Variants in GMCL2 observed in about 807,000 individuals in gnomAD.
GMCL2 encodes germ cell-less 2, spermatogenesis associated.
Under a neutral mutation model 36.2 loss-of-function variants are expected in GMCL2, and 33 were observed. The observed-to-expected ratio is 0.91, with a 90% CI of 0.69 to 1.22. GMCL2 has a LOEUF of 1.22. GMCL2 is among the 50% of genes most tolerant of loss of function. The pLI, the probability that GMCL2 is intolerant of heterozygous loss-of-function variation, is 0.00. For synonymous variants in GMCL2, 172 were observed against 184.3 expected, an observed-to-expected ratio of 0.93 and a Z score of 0.54; for missense variants, 478 against 514.5, an observed-to-expected ratio of 0.93 and a Z score of 0.69.
chr5:178,186,857 A>G lies in GMCL2; in HGVS notation c.443T>C (p.Ile148Thr), dbSNP rs750493249. The part of the protein sequence containing the change: ...GSWKESSMNI[I>T]ELEIPDQNID... ...GTTCTGGTCAGGAATCTCCAGTTCAATAATATTCATGCTGGATTCTTTCCA... is the reference window on the plus strand; with the variant it reads ...GTTCTGGTCAGGAATCTCCAGTTCAGTAATATTCATGCTGGATTCTTTCCA... The change falls in exon 1 of 1, where the codon ATT becomes ACT. Residue 148 changes from isoleucine to threonine, a missense_variant. This residue lies in a region of GMCL2 where 175 missense variants were observed against 208.0 expected (regional missense o/e 0.84). Transcript: ENST00000463439. 3.7e-6 allele frequency: 6 copies of G among 1,611,236 alleles called. No individual in the cohort carries two copies. The highest frequency in any genetic ancestry group is 5.1e-6 in the Non-Finnish European group (6 of 1,177,306).
rs1756668819 is a variant in GMCL2, at chr5:178,184,635, T to C, written c.*1084A>G. 6.6e-6 allele frequency among the ~76,000 whole-genome samples: 1 copy of C among 152,220 alleles called. No homozygotes were observed. The highest frequency in any genetic ancestry group is 2.4e-5 in the African/African-American group (1 of 41,462). ...TGGAAAGAAAATGAACATGGCTCTA[T>C]TCAAAACAGCAGTAAACACAAAAGG... On this transcript the variant is annotated 3_prime_UTR_variant, in exon 1 of 1. Coordinates refer to ENST00000463439, the MANE Select transcript of GMCL2 (RefSeq NM_001358008.2).
chr5:178,186,546 G>C lies in GMCL2; in HGVS notation c.754C>G (p.Leu252Val). 1 of 1,301,802 alleles carries C rather than the reference G, an allele frequency of 7.7e-7. No homozygotes were observed. Among genetic ancestry groups the C allele is most frequent in the Non-Finnish European group, 1.1e-6 (1 of 894,866 alleles). The allele number at this position is 1,301,802 out of a possible 1,614,324, so 80.6% of individuals were successfully genotyped here. ...AGCTGTTTCATGACATTTATACCGA[G>C]TTCTTTAAAAAGTTTAACATTCTGG... ...THQNVKLFKELGINVMKQLIG... is the reference protein window; with the variant it reads ...THQNVKLFKEVGINVMKQLIG... Residue 252 changes from leucine (L) to valine (V), a missense_variant, in exon 1 of 1, where the codon CTC becomes GTC. Physicochemically the swap from Leu to Val is conservative, Grantham distance 32. Around this residue, in one of 5 missense-constraint regions of GMCL2, gnomAD observed 175 missense variants for 208.0 expected, o/e 0.84. Transcript: ENST00000463439.
rs779305898 is a variant in GMCL2 at position 178,187,238 on chromosome 5, T to C, written c.62A>G (p.Gln21Arg). The stretch of plus-strand genomic sequence containing the variant: ...GGCCGAGCCCCTGGCCCTGGCACCC[T>C]GTTCCTGCTGGGCAAGGGCTCGCCT... ...QPRRALAQQE[Q>R]GARARGSARR... Residue 21 changes from glutamine (Q) to arginine (R), a missense_variant, in exon 1 of 1, where the codon CAG becomes CGG. Physicochemically the swap from Gln to Arg is conservative, Grantham distance 43. Transcript: ENST00000463439. 2 of 1,059,300 alleles carry C rather than the reference T, an allele frequency of 1.9e-6. No individual in the cohort carries two copies. The highest frequency in any genetic ancestry group is 2.8e-6 in the Non-Finnish European group (2 of 703,404). The allele number at this position is 1,059,300 out of a possible 1,614,324, so 65.6% of individuals were successfully genotyped here.
chr5:178,187,355 GC>G lies in GMCL2; in HGVS notation c.-57del, dbSNP rs1183074954. ...CCAGAGGAGGGGGTCTCTGGCCATGGCCCGGCCGCCGCCGCCAGCCTTCCCC... is the reference window on the plus strand; with the variant it reads ...CCAGAGGAGGGGGTCTCTGGCCATGGCCGGCCGCCGCCGCCAGCCTTCCCC... On this transcript the variant is annotated 5_prime_UTR_variant, in exon 1 of 1. Coordinates refer to ENST00000463439, the MANE Select transcript of GMCL2 (RefSeq NM_001358008.2). The G allele has an allele frequency of 4.4e-6, 3 of 674,968 alleles. No homozygotes were observed. The highest frequency in any genetic ancestry group is 7.3e-6 in the Non-Finnish European group (3 of 409,222). 41.8% of individuals were successfully genotyped at this position (674,968 alleles called of 1,614,324 possible).
In GMCL2 at chr5:178,187,022, G is replaced by A; in HGVS notation, c.278C>T (p.Thr93Ile). ...TAATGTTTGATAAATATATTTGGAT[G>A]TACTCCTTAATTTTTTCCTTGCAGG... ...NTPARKKLRS[T>I]SKYIYQTLFL... is the part of the protein sequence containing the mutation. Residue 93 changes from threonine (T) to isoleucine (I), a missense_variant, in exon 1 of 1, where the codon ACA becomes ATA. By Grantham distance (89) the Thr-to-Ile change is moderately conservative. Around this residue, in one of 5 missense-constraint regions of GMCL2, gnomAD observed 36 missense variants for 78.1 expected, o/e 0.46. Coordinates refer to ENST00000463439, the MANE Select transcript of GMCL2 (RefSeq NM_001358008.2). 1 of 1,333,246 alleles carries A rather than the reference G, an allele frequency of 7.5e-7. No individual in the cohort carries two copies. Among genetic ancestry groups the A allele is most frequent in the South Asian group, 1.2e-5 (1 of 82,726 alleles). The allele number at this position is 1,333,246 out of a possible 1,614,324, so 82.6% of individuals were successfully genotyped here.
In GMCL2 at chr5:178,186,700, A is replaced by G; in HGVS notation, c.600T>C (p.Cys200=). 1.5e-6 allele frequency: 2 copies of G among 1,345,430 alleles called. No homozygotes were observed. The highest frequency in any genetic ancestry group is 2.1e-6 in the Non-Finnish European group (2 of 934,920). 83.3% of individuals were successfully genotyped at this position (1,345,430 alleles called of 1,614,324 possible). Residue 200 remains cysteine, a synonymous_variant, in exon 1 of 1, where the codon TGT becomes TGC. Coordinates refer to ENST00000463439, the MANE Select transcript of GMCL2 (RefSeq NM_001358008.2). ...MLQLDGLIQQ[C]GETMKETINV... is the part of the protein sequence containing the mutation. ...TAATTGTTTCCTTCATTGTCTCACC[A>G]CACTGCTGTATTAAACCATCCAGCT... is the stretch of plus-strand genomic sequence containing the variant.
the GMCL2 span, chr5:178,186,079 G>C: frequency 1.3e-6 from 1 of 783,262 alleles, no homozygotes; most frequent in Non-Finnish European, 2.4e-6. Context: ...AACACCAGTA[G>C]TATTCACCAT....
At position 178,187,346 on chromosome 5, in the gene GMCL2, C is replaced by T. The variant is rs1356636286; in HGVS notation, c.-47G>A. ...TCAGGGAGCCCAGAGGAGGGGGTCTCTGGCCATGGCCCGGCCGCCGCCGCC... is the reference window on the plus strand; with the variant it reads ...TCAGGGAGCCCAGAGGAGGGGGTCTTTGGCCATGGCCCGGCCGCCGCCGCC... On this transcript the variant is annotated 5_prime_UTR_variant, in exon 1 of 1. Coordinates refer to ENST00000463439, the MANE Select transcript of GMCL2 (RefSeq NM_001358008.2). The T allele has an allele frequency of 1.4e-6, 1 of 719,004 alleles. No individual in the cohort carries two copies. Among genetic ancestry groups the T allele is most frequent in the Admixed American group, 2.9e-5 (1 of 34,148 alleles). 44.5% of individuals were successfully genotyped at this position (719,004 alleles called of 1,614,324 possible).
chr5:178,185,965 A>C lies in GMCL2; in HGVS notation c.1335T>G (p.Ser445Arg). ...ATGCTATGCTCCTTCGAGGCCGTAA[A>C]CTGACAGACCCGCTGCGTGGCTGAT... ...TLNQPRSGSV[S>R]LRPRRSIAFR... The change falls in exon 1 of 1, where the codon AGT (serine) becomes AGG (arginine). Residue 445 changes from serine to arginine, a missense_variant. Ser to Arg is a moderately radical substitution (Grantham distance 110). Transcript: ENST00000463439. The C allele has an allele frequency of 1.3e-6, 1 of 768,054 alleles. No individual in the cohort carries two copies. The highest frequency in any genetic ancestry group is 2.4e-6 in the Non-Finnish European group (1 of 411,906). 47.6% of individuals were successfully genotyped at this position (768,054 alleles called of 1,614,324 possible). A position where few individuals can be genotyped will look rare whatever the true frequency, so the allele number is the denominator to read the frequency against.
rs751817051 is a variant in GMCL2, at chr5:178,185,744, C to T, written c.1556G>A (p.Arg519His). ...ISPEKGIENN[R>H]HPENPEN ...TCAGTTTTCTGGATTTTCTGGGTGA[C>T]GATTATTTTCAATTCCTTTTTCTGG... The change falls in exon 1 of 1, where the codon CGT (arginine) becomes CAT (histidine). Residue 519 changes from arginine to histidine, a missense_variant. Arg to His is a conservative substitution (Grantham distance 29). This residue lies in a region of GMCL2 where 135 missense variants were observed against 119.0 expected (regional missense o/e 1.13). Transcript: ENST00000463439. 2.6e-5 allele frequency: 22 copies of T among 849,792 alleles called. No homozygotes were observed. The highest frequency in any genetic ancestry group is 4.7e-4 in the Middle Eastern group (2 of 4,276). 52.6% of individuals were successfully genotyped at this position (849,792 alleles called of 1,614,324 possible).
Position 178,186,543 on chromosome 5 carries a change from C to T in GMCL2, c.757G>A (p.Gly253Ser), listed in dbSNP as rs2961663. The part of the protein sequence containing the change: ...HQNVKLFKEL[G>S]INVMKQLIGS... ...ATGAGCTGTTTCATGACATTTATACCGAGTTCTTTAAAAAGTTTAACATTC... is the reference window on the plus strand; with the variant it reads ...ATGAGCTGTTTCATGACATTTATACTGAGTTCTTTAAAAAGTTTAACATTC... The change falls in exon 1 of 1, where the codon GGT becomes AGT. Residue 253 changes from glycine to serine, a missense_variant. Physicochemically the swap from Gly to Ser is moderately conservative, Grantham distance 56. Coordinates refer to ENST00000463439, the MANE Select transcript of GMCL2 (RefSeq NM_001358008.2). The T allele has an allele frequency of 0.11, 141,856 of 1,300,708 alleles. 8,948 individuals carry two copies. Among genetic ancestry groups the T allele is most frequent in the African/African-American group, 0.24 (16,859 of 69,184 alleles). 80.6% of individuals were successfully genotyped at this position (1,300,708 alleles called of 1,614,324 possible).
rs540564492 is a variant in GMCL2 at position 178,184,765 on chromosome 5, T to C, written c.*954A>G. On this transcript the variant is annotated 3_prime_UTR_variant, in exon 1 of 1. Coordinates refer to ENST00000463439, the MANE Select transcript of GMCL2 (RefSeq NM_001358008.2). Reference sequence around the variant, plus strand: ...GCTTCTATGTTAGATCCTCTGACCTTATTTACATTTACTATGAAATTGCTG... The same window carrying C: ...GCTTCTATGTTAGATCCTCTGACCTCATTTACATTTACTATGAAATTGCTG... Among the ~76,000 whole-genome samples the C allele has an allele frequency of 6.4e-4, 97 of 152,342 alleles. No homozygotes were observed. Among genetic ancestry groups the C allele is most frequent in the African/African-American group, 2.3e-3 (95 of 41,578 alleles).
rs1274175875 is a variant in GMCL2, at chr5:178,185,232, A to G, written c.*487T>C. 1.3e-5 allele frequency among the ~76,000 whole-genome samples: 2 copies of G among 152,264 alleles called. No individual in the cohort carries two copies. Among genetic ancestry groups the G allele is most frequent in the Non-Finnish European group, 2.9e-5 (2 of 68,044 alleles). On this transcript the variant is annotated 3_prime_UTR_variant, in exon 1 of 1. Transcript: ENST00000463439. ...AGATATTAGACTAAAAGGAGGAATC[A>G]TAATGAGCAGGTAAAAATATTAAAG... is the stretch of plus-strand genomic sequence containing the variant.
Position 178,187,308 on chromosome 5 carries a change from G to A in GMCL2, c.-9C>T, listed in dbSNP as rs761620285. On this transcript the variant is annotated 5_prime_UTR_variant, in exon 1 of 1. Transcript: ENST00000463439. The stretch of plus-strand genomic sequence containing the variant: ...CTGCTCGACGATCCCATGGGTCACG[G>A]CTCCCCAGGACTTCAGGGAGCCCAG... 4.4e-5 allele frequency: 37 copies of A among 835,202 alleles called. No individual in the cohort carries two copies. Among genetic ancestry groups the A allele is most frequent in the Non-Finnish European group, 6.5e-5 (35 of 535,612 alleles). 51.7% of individuals were successfully genotyped at this position (835,202 alleles called of 1,614,324 possible). A position where few individuals can be genotyped will look rare whatever the true frequency, so the allele number is the denominator to read the frequency against.
chr5:178,186,159 C>A lies in GMCL2; in HGVS notation c.1141G>T (p.Gly381Trp), dbSNP rs1377503908. The A allele has an allele frequency of 1.2e-6, 1 of 826,482 alleles. No individual in the cohort carries two copies. Among genetic ancestry groups the A allele is most frequent in the Admixed American group, 1.7e-5 (1 of 58,876 alleles). 51.2% of individuals were successfully genotyped at this position (826,482 alleles called of 1,614,324 possible). Residue 381 changes from glycine (G) to tryptophan (W), a missense_variant, in exon 1 of 1, where the codon GGG (glycine) becomes TGG (tryptophan). Coordinates refer to ENST00000463439, the MANE Select transcript of GMCL2 (RefSeq NM_001358008.2). ...MLRAEQDREVGPQEINKEDLE... is the reference protein window; with the variant it reads ...MLRAEQDREVWPQEINKEDLE... Reference sequence around the variant, plus strand: ...TCTTCTTTATTGATTTCTTGAGGCCCTACCTCACGGTCTTGTTCTGCCCGC... The same window carrying A: ...TCTTCTTTATTGATTTCTTGAGGCCATACCTCACGGTCTTGTTCTGCCCGC...
At chr5:178,187,162 G>T in the GMCL2 span, 3 of 1,217,714 alleles carry the variant, frequency 2.5e-6, no homozygotes, top group Non-Finnish European at 3.6e-6. Context: ...GACTGCCCGG[G>T]CAGTAACAGA....
rs759561885 is a variant in GMCL2 at position 178,187,145 on chromosome 5, C to A, written c.155G>T (p.Arg52Leu). Residue 52 changes from arginine (R) to leucine (L), a missense_variant, in exon 1 of 1, where the codon CGC becomes CTC. Transcript: ENST00000463439. ...GCGGCAGGCCCCGCTGCTCCGCTTG[C>A]GCTTGTGACTGCCCGGGCAGTAACA... The part of the protein sequence containing the change: ...GFCYCPGSHK[R>L]KRSSGACRYC... The A allele has an allele frequency of 7.5e-5, 87 of 1,166,610 alleles. 2 individuals carry two copies. In the South Asian group the frequency reaches 1.1e-3, roughly 15 times the overall value. The allele number at this position is 1,166,610 out of a possible 1,614,324, so 72.3% of individuals were successfully genotyped here. A position where few individuals can be genotyped will look rare whatever the true frequency, so the allele number is the denominator to read the frequency against.
chr5:178,186,108 C>T lies in GMCL2; in HGVS notation c.1192G>A (p.Gly398Ser). 1.2e-6 allele frequency: 1 copy of T among 809,372 alleles called. No individual in the cohort carries two copies. Among genetic ancestry groups the T allele is most frequent in the Non-Finnish European group, 2.2e-6 (1 of 446,346 alleles). 50.1% of individuals were successfully genotyped at this position (809,372 alleles called of 1,614,324 possible). The change falls in exon 1 of 1, where the codon GGT becomes AGT. Residue 398 changes from glycine (G) to serine (S), a missense_variant. This residue lies in a region of GMCL2 where 135 missense variants were observed against 119.0 expected (regional missense o/e 1.13). Coordinates refer to ENST00000463439, the MANE Select transcript of GMCL2 (RefSeq NM_001358008.2). ...EDLEGNSMRC[G>S]RKLAKDGEYY... is the part of the protein sequence containing the mutation. ...TCACCATCTTTGGCAAGCTTTCTAC[C>T]ACACCTCATGCTATTTCCCTCTAGG...
chr5:178,186,570 G>A, the GMCL2 span: 1 of 1,242,372 alleles, frequency 8.0e-7, no homozygotes, highest in Non-Finnish European at 1.2e-6. Context: ...TTAACATTCT[G>A]GTGAGTCATC....
Sources: allele counts gnomAD v4.1 joint callset (sites outside exome capture counted in the v4.1 genomes callset), GRCh38; gene constraint gnomAD v4.1.1; regional missense constraint gnomAD v4.1.1; transcripts MANE v1.5; gene names NCBI Gene and HGNC (gene_info 2026-07-23, HGNC 2026-07-21).